ITSN1: variants seen among roughly 807,000 people sequenced by gnomAD.
The protein encoded by ITSN1 is intersectin-1.
ITSN1 carries 58 observed loss-of-function variants against 239.8 expected under a neutral mutation model. That is an observed-to-expected ratio of 0.24 (90% CI 0.20 to 0.30). The LOEUF is 0.30. ITSN1 is among the 10% of genes least tolerant of loss of function. The pLI, the probability that ITSN1 is intolerant of heterozygous loss-of-function variation, is 1.00. For synonymous variants in ITSN1, 780 were observed against 770.8 expected (o/e 1.01, Z -0.20); for missense variants, 1,558 against 2,103.3 (o/e 0.74, Z 5.07).
At chr21:33,816,698 G>A (rs562389300) in intron 22 of ITSN1, among the ~76,000 whole-genome samples, 1 of 152,214 alleles carries the variant, frequency 6.6e-6, no homozygotes, top group Non-Finnish European at 1.5e-5. Context: ...CATACGTAGA[G>A]AAATCAGTGA....
chr21:33,722,783 A>T, intron 4 of ITSN1, 132 bp downstream of exon 4: 1 of 847,078 alleles, frequency 1.2e-6, no homozygotes, highest in Non-Finnish European at 1.6e-6. Context: ...ATATCTTGTT[A>T]CTTCTTACCA....
intron 20 of ITSN1, among the ~76,000 whole-genome samples, chr21:33,808,259 C>G (rs2072621030): frequency 6.6e-6 from 1 of 151,042 alleles, no homozygotes; most frequent in Non-Finnish European, 1.5e-5. Context: ...TACAGCGCAA[C>G]ATCAGAGCTG....
chr21:33,672,519 C>T (rs886491247), intron 1 of ITSN1, among the ~76,000 whole-genome samples: 3 of 152,144 alleles, frequency 2.0e-5, no homozygotes, highest in Non-Finnish European at 4.4e-5. Context: ...CGCTTGTACA[C>T]TGTTGGTGGG....
chr21:33,749,737 G>A (rs917971053), intron 5 of ITSN1, among the ~76,000 whole-genome samples: 5 of 152,084 alleles, frequency 3.3e-5, no homozygotes, highest in African/African-American at 1.2e-4. Context: ...ACATAGGAAA[G>A]GCAGGTTGCA....
At chr21:33,792,366 G>A (rs1477581645) in intron 16 of ITSN1, among the ~76,000 whole-genome samples, 3 of 151,992 alleles carry the variant, frequency 2.0e-5, no homozygotes, top group African/African-American at 4.8e-5. Context: ...CACCATGCCC[G>A]GCTAATTTTT....
At chr21:33,714,075 C>T (rs189184953) in intron 1 of ITSN1, among the ~76,000 whole-genome samples, 1 of 151,938 alleles carries the variant, frequency 6.6e-6, no homozygotes, top group East Asian at 1.9e-4. Flanking sequence ...CGTGATCCAC[C>T]CGCCTTGGCC....
At chr21:33,844,462 T>G (rs773425077) in intron 29 of ITSN1, among the ~76,000 whole-genome samples, 5 of 152,194 alleles carry the variant, frequency 3.3e-5, no homozygotes, top group Non-Finnish European at 7.4e-5. Context: ...TGTGGCCTTG[T>G]GTTCTCTTGC....
chr21:33,779,279 C>G (rs1048826284), intron 14 of ITSN1, among the ~76,000 whole-genome samples: 5 of 151,878 alleles, frequency 3.3e-5, no homozygotes, highest in Admixed American at 6.6e-5. Flanking sequence ...TGATTTTGGA[C>G]CTTTCATCAT....
chr21:33,690,815 G>T (rs13047494), intron 1 of ITSN1, among the ~76,000 whole-genome samples: 2 of 11,074 alleles, frequency 1.8e-4, no homozygotes, highest in East Asian at 1.5e-3. Context: ...ATATATATAT[G>T]TATATATATA....
chr21:33,691,077 G>C lies in ITSN1; in HGVS notation c.-32-27720G>C, dbSNP rs545118765. 5.3e-5 allele frequency among the ~76,000 whole-genome samples: 8 copies of C among 151,650 alleles called. No homozygotes were observed. The South Asian group carries it at 1.5e-3, about 28-fold the overall frequency. Reference sequence around the variant, plus strand: ...CTCAGTTAATCAGTTTCTCTTCTCTGCTTCCTTTGTTCTTTGGCCTGCTCT... The same window carrying C: ...CTCAGTTAATCAGTTTCTCTTCTCTCCTTCCTTTGTTCTTTGGCCTGCTCT... On this transcript the variant is annotated intron_variant, in intron 1 of 39. Transcript: ENST00000381318.
At position 33,892,430 on chromosome 21, in the gene ITSN1, C is replaced by T. The variant is rs1056367605; in HGVS notation, c.*4130C>T. 6.6e-6 allele frequency: 1 copy of T among 152,230 alleles called. No individual in the cohort carries two copies. Among genetic ancestry groups the T allele is most frequent in the Non-Finnish European group, 1.5e-5 (1 of 68,050 alleles). The allele number at this position is 152,230 out of a possible 1,614,324, so 9.4% of individuals were successfully genotyped here. ...TATCATTAGAATGTTCATTCTCCTC[C>T]TTTTCCCTGGAGTGGACCAGTGAGA... is the stretch of plus-strand genomic sequence containing the variant. On this transcript the variant is annotated 3_prime_UTR_variant, in exon 40 of 40. Coordinates refer to ENST00000381318, the MANE Select transcript of ITSN1 (RefSeq NM_003024.3).
At chr21:33,820,025 C>T (rs2073566303) in intron 24 of ITSN1, among the ~76,000 whole-genome samples, 1 of 152,124 alleles carries the variant, frequency 6.6e-6, no homozygotes, top group Non-Finnish European at 1.5e-5. Context: ...AGTAACTACA[C>T]AGACCACTAG....
At position 33,667,393 on chromosome 21, in the gene ITSN1, G is replaced by C. The variant is rs142382839; in HGVS notation, c.-33+24680G>C. 4.9e-3 allele frequency among the ~76,000 whole-genome samples: 753 copies of C among 152,132 alleles called. 5 individuals are homozygous for C. Among genetic ancestry groups the C allele is most frequent in the African/African-American group, 0.017 (715 of 41,512 alleles). ...GGTAAAAAATGTATGTGCCAATAAT[G>C]AAAAAGCATATACGAACTACTTGTA... On this transcript the variant is annotated intron_variant, in intron 1 of 39. Transcript: ENST00000381318.
chr21:33,722,647 A>T lies in ITSN1; in HGVS notation c.181A>T (p.Ile61Leu). ...SGLPQPVLAQ[I>L]WALADMNNDG... ...GTTACCTCAACCTGTTTTAGCACAG[A>T]TATGGTAAGTTGGAATTTTACATGA... The change falls in exon 4 of 40, where the codon ATA (isoleucine) becomes TTA (leucine). Residue 61 changes from isoleucine (I) to leucine (L), a missense_variant. Physicochemically the swap from Ile to Leu is conservative, Grantham distance 5. Around this residue, in one of 2 missense-constraint regions of ITSN1, gnomAD observed 982 missense variants for 1,209.9 expected, o/e 0.81. Transcript: ENST00000381318. The T allele has an allele frequency of 6.4e-7, 1 of 1,564,002 alleles. No individual in the cohort carries two copies. The highest frequency in any genetic ancestry group is 8.6e-7 in the Non-Finnish European group (1 of 1,162,642).
intron 31 of ITSN1, among the ~76,000 whole-genome samples, chr21:33,860,512 C>T (rs898327836): frequency 6.6e-6 from 1 of 152,100 alleles, no homozygotes; most frequent in Admixed American, 6.5e-5. Context: ...TCTCTGTTGT[C>T]TTTTAACCCC....
chr21:33,858,890 G>T (rs1979895138), intron 31 of ITSN1, 98 bp downstream of exon 31: 2 of 608,734 alleles, frequency 3.3e-6, no homozygotes, highest in Non-Finnish European at 2.9e-6. Context: ...ATGCTGCCCT[G>T]TGCTTCTTTC....
chr21:33,863,997 G>A (rs1341006548), intron 31 of ITSN1, among the ~76,000 whole-genome samples: 1 of 152,214 alleles, frequency 6.6e-6, no homozygotes, highest in Non-Finnish European at 1.5e-5. Context: ...ATCATTTATG[G>A]TCCCTAAGTT....
intron 1 of ITSN1, among the ~76,000 whole-genome samples, chr21:33,653,553 C>T (rs1290074321): frequency 3.3e-5 from 5 of 151,370 alleles, no homozygotes; most frequent in South Asian, 2.1e-4. Flanking sequence ...GACAGAGTCT[C>T]GCTCTGTTGC....
chr21:33,876,114 TTTC>T (rs1240694950), intron 34 of ITSN1, among the ~76,000 whole-genome samples: 2 of 22,796 alleles, frequency 8.8e-5, no homozygotes, highest in Admixed American at 4.7e-4. Flanking sequence ...TCTTTCTTTC[TTTC>T]TTTCTTTCTT....
Sources: gnomAD v4.1 joint callset for allele counts (sites outside exome capture counted in the v4.1 genomes callset) on GRCh38, gnomAD v4.1.1 for gene constraint, gnomAD v4.1.1 regional missense constraint, MANE v1.5 for transcripts, NCBI Gene and HGNC (gene_info 2026-07-23, HGNC 2026-07-21) for gene names.